Variants in OXR1 observed in about 807,000 individuals in gnomAD.
OXR1 encodes oxidation resistance 1.
A neutral mutation model predicts 104.6 loss-of-function variants in OXR1; 41 were observed. That is an observed-to-expected ratio of 0.39 (90% confidence interval 0.31 to 0.51). The LOEUF is 0.51. Ranked by LOEUF, OXR1 falls within the 20% of genes least tolerant of loss-of-function variation. The pLI is 0.77. For missense variants in OXR1, 955 were observed against 1,031.9 expected (o/e 0.93, Z 1.02); for synonymous variants, 348 against 348.4 (o/e 1.00, Z 0.01).
chr8:106,420,299 T>C (rs1451860107), intron 2 of OXR1, among the ~76,000 whole-genome samples: 1 of 152,026 alleles, frequency 6.6e-6, no homozygotes, highest in Admixed American at 6.6e-5. Context: ...TTGGAAGTAC[T>C]GAAGAATATA....
At chr8:106,538,381 T>G (rs932945306) in intron 3 of OXR1, among the ~76,000 whole-genome samples, 2 of 152,240 alleles carry the variant, frequency 1.3e-5, no homozygotes, top group African/African-American at 4.8e-5. Flanking sequence ...AACGCCTCTC[T>G]AAATAAAGCT....
intron 2 of OXR1, among the ~76,000 whole-genome samples, chr8:106,516,365 A>C (rs1586746746): frequency 6.6e-6 from 1 of 152,226 alleles, no homozygotes; most frequent in South Asian, 2.1e-4. Context: ...TTGTTTACTT[A>C]TCACCTGTCT....
chr8:106,376,188 G>C (rs1392267668), intron 2 of OXR1, among the ~76,000 whole-genome samples: 3 of 152,138 alleles, frequency 2.0e-5, no homozygotes, highest in African/African-American at 7.2e-5. Flanking sequence ...TGGCTCATTT[G>C]AGCTAAGGTG....
intron 2 of OXR1, among the ~76,000 whole-genome samples, chr8:106,446,683 C>T (rs1486418725): frequency 3.3e-5 from 5 of 151,826 alleles, no homozygotes; most frequent in Non-Finnish European, 5.9e-5. Context: ...GCTATTACAG[C>T]TCTTTGGAAG....
At chr8:106,305,605 T>A (rs1261895705) in intron 1 of OXR1, among the ~76,000 whole-genome samples, 1 of 152,176 alleles carries the variant, frequency 6.6e-6, no homozygotes, top group Admixed American at 6.5e-5. Context: ...TTTTCTACAT[T>A]CATTTTTAAT....
chr8:106,391,662 T>C (rs539809255), intron 2 of OXR1, among the ~76,000 whole-genome samples: 1 of 152,332 alleles, frequency 6.6e-6, no homozygotes, highest in South Asian at 2.1e-4. Context: ...ATTTGTGCAT[T>C]CTTTTGAGCT....
chr8:106,555,931 CAT>C (rs59310978), intron 3 of OXR1, among the ~76,000 whole-genome samples: 22 of 145,906 alleles, frequency 1.5e-4, no homozygotes, highest in Admixed American at 9.7e-4. Context: ...TATATATGTA[CAT>C]ATATATATAT....
intron 2 of OXR1, among the ~76,000 whole-genome samples, chr8:106,417,444 A>G (rs1297706583): frequency 2.0e-5 from 3 of 152,154 alleles, no homozygotes; most frequent in Non-Finnish European, 2.9e-5. Context: ...ATTCTCCAGA[A>G]CTAATTATTT....
intron 2 of OXR1, among the ~76,000 whole-genome samples, chr8:106,437,542 G>A (rs1312178459): frequency 2.6e-5 from 4 of 152,050 alleles, no homozygotes; most frequent in African/African-American, 9.7e-5. Flanking sequence ...CTCCCCTTGG[G>A]AGAAATTAGG....
chr8:106,366,803 G>A (rs913355657), intron 2 of OXR1, among the ~76,000 whole-genome samples: 3 of 151,758 alleles, frequency 2.0e-5, no homozygotes, highest in South Asian at 2.1e-4. Flanking sequence ...TGGTCAGCTT[G>A]TAAAGGAGAA....
At chr8:106,531,887 G>A (rs1814122873) in intron 3 of OXR1, among the ~76,000 whole-genome samples, 2 of 152,124 alleles carry the variant, frequency 1.3e-5, no homozygotes, top group Non-Finnish European at 2.9e-5. Context: ...GGATGGAATG[G>A]GGATAGCCAA....
chr8:106,462,457 A>G (rs956701597), intron 2 of OXR1, among the ~76,000 whole-genome samples: 1 of 152,146 alleles, frequency 6.6e-6, no homozygotes, highest in African/African-American at 2.4e-5. Flanking sequence ...AACTTTGGGA[A>G]AACACTTTGC....
intron 1 of OXR1, among the ~76,000 whole-genome samples, chr8:106,300,525 C>T (rs556164460): frequency 5.9e-5 from 9 of 151,604 alleles, no homozygotes; most frequent in Admixed American, 2.6e-4. Context: ...CTACAGTTAA[C>T]GTGTTTACAA....
chr8:106,352,642 T>A (rs1397753076), intron 1 of OXR1, among the ~76,000 whole-genome samples: 1 of 152,210 alleles, frequency 6.6e-6, no homozygotes, highest in Admixed American at 6.5e-5. Flanking sequence ...AAATCCTGAA[T>A]AGGAATGAGG....
chr8:106,513,852 C>T (rs1011704885), intron 2 of OXR1, among the ~76,000 whole-genome samples: 2 of 152,144 alleles, frequency 1.3e-5, no homozygotes, highest in Middle Eastern at 3.4e-3. Flanking sequence ...ATTTTATACC[C>T]GTTTTATAGA....
intron 16 of OXR1, among the ~76,000 whole-genome samples, chr8:106,750,160 A>T (rs1449085916): frequency 6.6e-6 from 1 of 151,208 alleles, no homozygotes; most frequent in African/African-American, 2.4e-5. Flanking sequence ...ACATACACAA[A>T]AAAAAAACCA....
At position 106,467,732 on chromosome 8, in the gene OXR1, G is replaced by A. The variant is rs572809710; in HGVS notation, c.24-51211G>A. 7.2e-5 allele frequency among the ~76,000 whole-genome samples: 11 copies of A among 151,992 alleles called. No homozygotes were observed. In the South Asian group the frequency reaches 2.3e-3, roughly 32 times the overall value. On this transcript the variant is annotated intron_variant, in intron 2 of 16. Coordinates refer to ENST00000517566, the MANE Select transcript of OXR1 (RefSeq NM_001198533.2). ...CTTACATGCTTTGCACTCCTAATGAGATGTGTAGGAGCACAAGACATCCAT... is the reference window on the plus strand; with the variant it reads ...CTTACATGCTTTGCACTCCTAATGAAATGTGTAGGAGCACAAGACATCCAT...
chr8:106,298,817 A>C (rs1401534269), intron 1 of OXR1, among the ~76,000 whole-genome samples: 1 of 152,184 alleles, frequency 6.6e-6, no homozygotes, highest in East Asian at 1.9e-4. Flanking sequence ...GTTTATTGGC[A>C]GAAGGATAAA....
chr8:106,290,745 ATAC>A (rs1191540770), intron 1 of OXR1, among the ~76,000 whole-genome samples: 4 of 152,178 alleles, frequency 2.6e-5, no homozygotes, highest in Non-Finnish European at 5.9e-5. Flanking sequence ...CCACAATAAG[ATAC>A]CACCCCCAAC....
Sources: gnomAD v4.1 joint callset for allele counts (sites outside exome capture counted in the v4.1 genomes callset) on GRCh38, gnomAD v4.1.1 for gene constraint, MANE v1.5 for transcripts, NCBI Gene and HGNC (gene_info 2026-07-23, HGNC 2026-07-21) for gene names.